USP34: variants seen among roughly 807,000 people sequenced by gnomAD.
The protein encoded by USP34 is ubiquitin carboxyl-terminal hydrolase 34.
In USP34, 70 loss-of-function variants were observed where a neutral mutation model predicts 460.3. That is an observed-to-expected ratio of 0.15 (90% CI 0.13 to 0.19). USP34 has a LOEUF of 0.19. Ranked by LOEUF, USP34 falls within the 10% of genes least tolerant of loss-of-function variation. The pLI is 1.00. For synonymous variants in USP34, 1,647 were observed against 1,405.3 expected, an observed-to-expected ratio of 1.17 and a Z score of -3.85; for missense variants, 3,985 against 4,236.2, an observed-to-expected ratio of 0.94 and a Z score of 1.65.
At chr2:61,317,469 G>C (rs1483445854) in intron 23 of USP34, among the ~76,000 whole-genome samples, 185 bp downstream of exon 23, 1 of 152,216 alleles carries the variant, frequency 6.6e-6, no homozygotes, top group East Asian at 1.9e-4. Context: ...GGAGGTTGCA[G>C]TGAGCTGAGA....
intron 1 of USP34, among the ~76,000 whole-genome samples, chr2:61,459,572 C>T (rs1181839266): frequency 2.0e-5 from 3 of 151,818 alleles, no homozygotes; most frequent in African/African-American, 4.8e-5. Context: ...GTCAAGAGTT[C>T]GAAACCAGCC....
intron 72 of USP34, among the ~76,000 whole-genome samples, chr2:61,205,480 T>G (rs1044554027): frequency 6.6e-6 from 1 of 152,212 alleles, no homozygotes; most frequent in South Asian, 2.1e-4. Context: ...TGAGAAAGTG[T>G]AAAATAGTTA....
At chr2:61,295,590 G>T (rs992684758) in intron 30 of USP34, among the ~76,000 whole-genome samples, 8 of 152,106 alleles carry the variant, frequency 5.3e-5, no homozygotes, top group African/African-American at 1.9e-4. Context: ...CTAGTTGAGT[G>T]GGTAAACTTC....
chr2:61,215,421 G>T (rs1252998236), intron 67 of USP34, among the ~76,000 whole-genome samples: 1 of 152,156 alleles, frequency 6.6e-6, no homozygotes, highest in African/African-American at 2.4e-5. Context: ...AAAATCTTTA[G>T]AAGTCTTTTA....
chr2:61,470,578 C>G (rs2104136803), intron 1 of USP34, 72 bp downstream of exon 1: 1 of 1,099,552 alleles, frequency 9.1e-7, no homozygotes, highest in East Asian at 2.9e-5. Context: ...CCGCGGCAGC[C>G]CGGGGAGGCC....
chr2:61,408,271 C>A (rs1304436814), intron 2 of USP34, among the ~76,000 whole-genome samples: 1 of 152,028 alleles, frequency 6.6e-6, no homozygotes, highest in Non-Finnish European at 1.5e-5. Flanking sequence ...GAAACCCGAC[C>A]CAGAACCAAA....
intron 6 of USP34, 146 bp downstream of exon 6, chr2:61,383,123 A>T (rs1165062634): frequency 4.3e-6 from 2 of 466,890 alleles, no homozygotes; most frequent in Non-Finnish European, 7.5e-6. Flanking sequence ...ATATGTGCAT[A>T]AAAAACACTA....
chr2:61,214,463 G>C lies in USP34; in HGVS notation c.8279C>G (p.Thr2760Ser), dbSNP rs961840186. ...CTCAGTTTTGGAAATTAAACAGTAAGTCATAAAGCTAAAATAGGGCACTAG... is the reference window on the plus strand; with the variant it reads ...CTCAGTTTTGGAAATTAAACAGTAACTCATAAAGCTAAAATAGGGCACTAG... The part of the protein sequence containing the change: ...TKLVPYFSFM[T>S]YCLISKTEKL... The change falls in exon 68 of 80, where the codon ACT becomes AGT. Residue 2760 changes from threonine to serine, a missense_variant. Physicochemically the swap from Thr to Ser is moderately conservative, Grantham distance 58. Transcript: ENST00000398571. 57 of 1,614,042 alleles carry C rather than the reference G, an allele frequency of 3.5e-5. No homozygotes were observed. The highest frequency in any genetic ancestry group is 4.2e-5 in the Non-Finnish European group (50 of 1,180,044).
intron 76 of USP34, chr2:61,190,922 G>T (rs1463463602): frequency 1.6e-5 from 5 of 320,346 alleles, no homozygotes; most frequent in Non-Finnish European, 2.3e-5. Flanking sequence ...TGTTTTAAAA[G>T]AAATGCAGGT....
chr2:61,255,881 T>C (rs896347753), intron 48 of USP34, among the ~76,000 whole-genome samples: 2 of 152,206 alleles, frequency 1.3e-5, no homozygotes, highest in Non-Finnish European at 2.9e-5. Context: ...TTTGACTTAA[T>C]AATGGCCCCA....
chr2:61,227,217 G>A lies in USP34; in HGVS notation c.7445C>T (p.Pro2482Leu), dbSNP rs1558476637. The change falls in exon 62 of 80, where the codon CCT becomes CTT. Residue 2482 changes from proline to leucine, a missense_variant and splice_region_variant. Physicochemically the swap from Pro to Leu is moderately conservative, Grantham distance 98. Coordinates refer to ENST00000398571, the MANE Select transcript of USP34 (RefSeq NM_014709.4). ...TTCCTCTGATAACACTTCAACTTGA[G>A]GCTAAGTTGGAATAAAATTCAATTT... is the stretch of plus-strand genomic sequence containing the variant. ...FYMGTKGPEN[P>L]QVEVLSEEEG... The A allele has an allele frequency of 6.2e-7, 1 of 1,607,414 alleles. No individual in the cohort carries two copies. The highest frequency in any genetic ancestry group is 1.7e-5 in the Admixed American group (1 of 58,910).
intron 21 of USP34, among the ~76,000 whole-genome samples, chr2:61,323,255 T>C (rs1302841613): frequency 1.3e-5 from 2 of 152,190 alleles, no homozygotes; most frequent in Non-Finnish European, 2.9e-5. Flanking sequence ...CTCACGCCTG[T>C]AATCCCACCA....
chr2:61,334,595 A>C (rs1452535573), intron 18 of USP34, among the ~76,000 whole-genome samples: 2 of 152,146 alleles, frequency 1.3e-5, no homozygotes, highest in African/African-American at 2.4e-5. Flanking sequence ...TCATGAAAAA[A>C]TTTTTCACAA....
intron 1 of USP34, among the ~76,000 whole-genome samples, chr2:61,451,548 G>A (rs1358952065): frequency 1.3e-5 from 2 of 151,940 alleles, no homozygotes; most frequent in African/African-American, 2.4e-5. Flanking sequence ...CGGGCATGGT[G>A]GCACATGCCT....
At chr2:61,254,842 GT>G (rs1214506084) in intron 48 of USP34, among the ~76,000 whole-genome samples, 1 of 152,118 alleles carries the variant, frequency 6.6e-6, no homozygotes, top group Non-Finnish European at 1.5e-5. Context: ...AGTAGAACAA[GT>G]ATAGCATTTT....
intron 1 of USP34, among the ~76,000 whole-genome samples, chr2:61,431,020 G>C (rs1694661179): frequency 6.6e-6 from 1 of 151,582 alleles, no homozygotes; most frequent in Admixed American, 6.6e-5. Flanking sequence ...AAGAAAAATA[G>C]AAAAGAAATG....
At chr2:61,252,463 C>T (rs576216478) in intron 48 of USP34, among the ~76,000 whole-genome samples, 2 of 152,230 alleles carry the variant, frequency 1.3e-5, no homozygotes, top group South Asian at 4.1e-4. Context: ...TAACATATTG[C>T]TAGTTCAAGT....
intron 20 of USP34, 67 bp from the exon 21 acceptor site, chr2:61,325,524 G>T (rs1691058913): frequency 3.0e-6 from 3 of 985,488 alleles, no homozygotes; most frequent in Non-Finnish European, 4.3e-6. Flanking sequence ...AAATTTAGTG[G>T]TCCTATGCAT....
At chr2:61,383,621 T>G (rs1693043273) in intron 5 of USP34, among the ~76,000 whole-genome samples, 1 of 151,796 alleles carries the variant, frequency 6.6e-6, no homozygotes, top group Admixed American at 6.6e-5. Flanking sequence ...GAGAATCGCT[T>G]GAACCCCCAC....
Sources: allele counts gnomAD v4.1 joint callset (sites outside exome capture counted in the v4.1 genomes callset), GRCh38; gene constraint gnomAD v4.1.1; transcripts MANE v1.5; gene names NCBI Gene and HGNC (gene_info 2026-07-23, HGNC 2026-07-21).